The following CLSTN3 variants were observed in gnomAD, a reference collection of about 807,000 sequenced individuals.
CLSTN3 encodes calsyntenin-3.
A neutral mutation model predicts 95.9 loss-of-function variants in CLSTN3; 36 were observed. The ratio of observed to expected loss-of-function variants is 0.38; its 90% CI spans 0.29 to 0.50. The LOEUF (loss-of-function observed/expected upper bound fraction) is 0.50, where lower values mean the gene tolerates loss of function less well. Ranked by LOEUF, CLSTN3 falls within the 20% of genes least tolerant of loss-of-function variation. The pLI is 0.95. For synonymous variants in CLSTN3, 481 were observed against 504.0 expected (o/e 0.95, Z 0.61); for missense variants, 1,084 against 1,268.8 (o/e 0.85, Z 2.21).
At position 7,149,215 on chromosome 12, in the gene CLSTN3, G is replaced by T; in HGVS notation, c.2074+17G>T. The T allele has an allele frequency of 6.2e-7, 1 of 1,601,836 alleles. No homozygotes were observed. Among genetic ancestry groups the T allele is most frequent in the Non-Finnish European group, 8.5e-7 (1 of 1,170,326 alleles). On this transcript the variant is annotated intron_variant, in intron 13 of 17. Transcript: ENST00000266546. This position sits in a 1 kb window ranked among gnomAD's most constrained non-coding sequence, Gnocchi z 4.5. ...AGGGCACAGGTAAGGACGACTTCGGGGAGTAACACCATCCAGAGAACCAGC... is the reference window on the plus strand; with the variant it reads ...AGGGCACAGGTAAGGACGACTTCGGTGAGTAACACCATCCAGAGAACCAGC...
Position 7,150,601 on chromosome 12 carries a change from G to T in CLSTN3, c.2303G>T (p.Arg768Leu), listed in dbSNP as rs369161461. ...EILRQARYRL[R>L]HGAALYTRKF... The stretch of plus-strand genomic sequence containing the variant: ...CTGAGGCAGGCTCGTTATCGGCTGC[G>T]ACACGGAGCTGCCCTCTACACCAGG... The change falls in exon 15 of 18, where the codon CGA (arginine) becomes CTA (leucine). Residue 768 changes from arginine (R) to leucine (L), a missense_variant. Arg to Leu is a moderately radical substitution (Grantham distance 102). Coordinates refer to ENST00000266546, the MANE Select transcript of CLSTN3 (RefSeq NM_014718.4). This position sits in a 1 kb window ranked among gnomAD's most constrained non-coding sequence, Gnocchi z 4.0. 1.2e-6 allele frequency: 2 copies of T among 1,613,918 alleles called. No individual in the cohort carries two copies. The highest frequency in any genetic ancestry group is 1.7e-5 in the Admixed American group (1 of 60,014).
At chr12:7,142,838 C>T in intron 10 of CLSTN3, 31 bp from the exon 11 acceptor site, 1 of 1,608,920 alleles carries the variant, frequency 6.2e-7, no homozygotes, top group Non-Finnish European at 8.5e-7. Flanking sequence ...CTCTTCTCAC[C>T]TCCCGTCCTG....
rs1565648970 is a variant in CLSTN3, at chr12:7,135,460, T to C, written c.517T>C (p.Cys173Arg). 1 of 1,614,146 alleles carries C rather than the reference T, an allele frequency of 6.2e-7. No individual in the cohort carries two copies. The highest frequency in any genetic ancestry group is 2.2e-5 in the East Asian group (1 of 44,874). Residue 173 changes from cysteine (C) to arginine (R), a missense_variant, in exon 4 of 18, where the codon TGC becomes CGC. Cys to Arg is a radical substitution (Grantham distance 180, BLOSUM62 -3). Coordinates refer to ENST00000266546, the MANE Select transcript of CLSTN3 (RefSeq NM_014718.4). ...GCGGGTGGAAGCCATTGACGGTGACTGCTCCCCCCAGTACAGCCAGATCTG... is the reference window on the plus strand; with the variant it reads ...GCGGGTGGAAGCCATTGACGGTGACCGCTCCCCCCAGTACAGCCAGATCTG... ...ILRVEAIDGD[C>R]SPQYSQICYY...
Position 7,141,366 on chromosome 12 carries a change from GA to G in CLSTN3, c.1450del (p.Arg484GlyfsTer6). The G allele has an allele frequency of 6.2e-7, 1 of 1,614,100 alleles. No homozygotes were observed. Among genetic ancestry groups the G allele is most frequent in the Non-Finnish European group, 8.5e-7 (1 of 1,180,010 alleles). On this transcript the variant is annotated frameshift_variant, in exon 9 of 18. Coordinates refer to ENST00000266546, the MANE Select transcript of CLSTN3 (RefSeq NM_014718.4). LOFTEE classifies it high-confidence loss of function. This position sits in a 1 kb window ranked among gnomAD's most constrained non-coding sequence, Gnocchi z 4.1. Reference protein sequence around the residue: ...IHDNGLIHPPRREPALMIGAC... With the variant: ...IHDNGLIHPPXREPALMIGAC... The stretch of plus-strand genomic sequence containing the variant: ...GACAATGGCCTCATCCACCCACCCC[GA>G]AGGGAGCCTGCTCTCATGATTGGGG...
At chr12:7,131,627 A>T (rs1939303137) in intron 1 of CLSTN3, among the ~76,000 whole-genome samples, 1 of 151,778 alleles carries the variant, frequency 6.6e-6, no homozygotes, top group African/African-American at 2.4e-5. Context: ...AGGAGAGGAG[A>T]CAGAGGCTCA....
upstream of CLSTN3, chr12:7,130,311 C>CA (rs1361456974): frequency 1.0e-5 from 7 of 680,840 alleles, no homozygotes; most frequent in Non-Finnish European, 1.4e-5. Context: ...GGTCCCCCCC[C>CA]CTCCCAGTCA....
rs994582275 is a variant in CLSTN3 at position 7,136,300 on chromosome 12, C to G, written c.837C>G (p.Asn279Lys). The change falls in exon 6 of 18, where the codon AAC becomes AAG. Residue 279 changes from asparagine (N) to lysine (K), a missense_variant. Coordinates refer to ENST00000266546, the MANE Select transcript of CLSTN3 (RefSeq NM_014718.4). ...RLETCDEPLW[N>K]IQATIELQTS... ...AGACCTGTGATGAACCACTCTGGAA[C>G]ATTCAGGCCACCATAGAGCTGCAGA... The G allele has an allele frequency of 1.2e-6, 2 of 1,614,206 alleles. No homozygotes were observed. Among genetic ancestry groups the G allele is most frequent in the Non-Finnish European group, 1.7e-6 (2 of 1,180,022 alleles).
chr12:7,149,169 C>T lies in CLSTN3; in HGVS notation c.2045C>T (p.Ala682Val). 1 of 1,614,064 alleles carries T rather than the reference C, an allele frequency of 6.2e-7. No individual in the cohort carries two copies. The highest frequency in any genetic ancestry group is 1.1e-5 in the South Asian group (1 of 91,076). Reference sequence around the variant, plus strand: ...TGCTCCATTTCTCACCAGGTGGAGGCCAAAAAGGATGAGAGTTGGCAGGGC... The same window carrying T: ...TGCTCCATTTCTCACCAGGTGGAGGTCAAAAAGGATGAGAGTTGGCAGGGC... ...ITCSISHQVE[A>V]KKDESWQGTV... Residue 682 changes from alanine (A) to valine (V), a missense_variant, in exon 13 of 18, where the codon GCC (alanine) becomes GTC (valine). Ala to Val is a moderately conservative substitution (Grantham distance 64). Transcript: ENST00000266546. This position sits in a 1 kb window ranked among gnomAD's most constrained non-coding sequence, Gnocchi z 4.5.
Position 7,158,629 on chromosome 12 carries a change from G to A in CLSTN3, c.*548G>A, listed in dbSNP as rs1939864068. The A allele has an allele frequency of 6.6e-6, 1 of 152,032 alleles. No individual in the cohort carries two copies. The highest frequency in any genetic ancestry group is 1.5e-5 in the Non-Finnish European group (1 of 68,174). 9.4% of individuals were successfully genotyped at this position (152,032 alleles called of 1,614,324 possible). A position where few individuals can be genotyped will look rare whatever the true frequency, so the allele number is the denominator to read the frequency against. ...TCCTTTCCAACTTCCTTCCTTTCTT[G>A]TCCTGTTTCCCTTCCTGCCCTTGCA... On this transcript the variant is annotated 3_prime_UTR_variant, in exon 18 of 18. Transcript: ENST00000266546.
Position 7,130,528 on chromosome 12 carries a change from C to G in CLSTN3, c.-121C>G. 1 of 1,542,424 alleles carries G rather than the reference C, an allele frequency of 6.5e-7. No homozygotes were observed. The highest frequency in any genetic ancestry group is 1.2e-5 in the South Asian group (1 of 83,874). On this transcript the variant is annotated 5_prime_UTR_variant, in exon 1 of 18. Coordinates refer to ENST00000266546, the MANE Select transcript of CLSTN3 (RefSeq NM_014718.4). ...TGTGGGCGGCAGGCTCCTTTCCGTC[C>G]CTGCCCTGCTGTACCCCGCTCCTTG...
Position 7,158,866 on chromosome 12 carries a change from CA to C in CLSTN3, c.*786del, listed in dbSNP as rs1428330908. On this transcript the variant is annotated 3_prime_UTR_variant, in exon 18 of 18. Transcript: ENST00000266546. Reference sequence around the variant, plus strand: ...TGTGAGGCATCGTCATGTCCTGGGGCAGGGGCGGGGGGTTGGGTGTGGTGAG... The same window carrying C: ...TGTGAGGCATCGTCATGTCCTGGGGCGGGGCGGGGGGTTGGGTGTGGTGAG... 3.3e-5 allele frequency: 2 copies of C among 60,292 alleles called. No individual in the cohort carries two copies. Among genetic ancestry groups the C allele is most frequent in the African/African-American group, 1.4e-4 (2 of 14,710 alleles). 3.7% of individuals were successfully genotyped at this position (60,292 alleles called of 1,614,324 possible). A position where few individuals can be genotyped will look rare whatever the true frequency, so the allele number is the denominator to read the frequency against.
rs2135805204 is a variant in CLSTN3, at chr12:7,142,990, C to T, written c.1662C>T (p.Asp554=). Residue 554 remains aspartate (D), a synonymous_variant, in exon 11 of 18, where the codon GAC becomes GAT. Transcript: ENST00000266546. ...TCTATGCATGTCGGGAGGGGCTGGA[C>T]TATAGGGATTTCGAGAGCCTGGGCA... ...ECLYACREGL[D]YRDFESLGKG... The T allele has an allele frequency of 1.2e-6, 2 of 1,614,154 alleles. No homozygotes were observed. The highest frequency in any genetic ancestry group is 2.7e-5 in the African/African-American group (2 of 75,060).
In CLSTN3 at chr12:7,157,767, G is replaced by A; in HGVS notation, c.2730+76G>A. 1 of 1,511,498 alleles carries A rather than the reference G, an allele frequency of 6.6e-7. No individual in the cohort carries two copies. The highest frequency in any genetic ancestry group is 8.9e-7 in the Non-Finnish European group (1 of 1,119,698). The allele number at this position is 1,511,498 out of a possible 1,614,324, so 93.6% of individuals were successfully genotyped here. ...ACACGGTGAGGACTCCTGAGGAGGG[G>A]CAGGCCTGGGTGGAGGCTGTTCGCA... On this transcript the variant is annotated intron_variant, in intron 17 of 17. Transcript: ENST00000266546. The surrounding 1 kb of genome is among the most constrained non-coding windows in gnomAD (Gnocchi z 5.9).
In CLSTN3 at chr12:7,133,139, C is replaced by CTATGCAGG. The variant is rs1416234405; in HGVS notation, c.183_187+3dup. 6.2e-7 allele frequency: 1 copy of CTATGCAGG among 1,606,146 alleles called. No homozygotes were observed. The highest frequency in any genetic ancestry group is 1.3e-5 in the African/African-American group (1 of 74,768). The stretch of plus-strand genomic sequence containing the variant: ...CCTTGGACAAGGATGCCCCGCTGCG[C>CTATGCAGG]TATGCAGGTAATTGGGATTGGGGGA... On this transcript the variant is annotated frameshift_variant, in exon 2 of 18. Transcript: ENST00000266546. LOFTEE classifies it high-confidence loss of function. This position sits in a 1 kb window ranked among gnomAD's most constrained non-coding sequence, Gnocchi z 4.7.
chr12:7,147,897 G>A (rs1321079501), intron 12 of CLSTN3, among the ~76,000 whole-genome samples: 1 of 152,114 alleles, frequency 6.6e-6, no homozygotes, highest in African/African-American at 2.4e-5. Context: ...GCTCACGCCT[G>A]TAATCCCAGC....
At chr12:7,152,538 A>G (rs1430442231) in intron 16 of CLSTN3, among the ~76,000 whole-genome samples, 1 of 152,182 alleles carries the variant, frequency 6.6e-6, no homozygotes, top group African/African-American at 2.4e-5. Flanking sequence ...GGCTTTTGAG[A>G]ATTGAAGGCA....
At chr12:7,138,375 A>G (rs1186175373) in intron 8 of CLSTN3, among the ~76,000 whole-genome samples, 1 of 152,206 alleles carries the variant, frequency 6.6e-6, no homozygotes, top group Non-Finnish European at 1.5e-5. Context: ...CTTTAACAGT[A>G]TACATCCCTG....
Position 7,149,739 on chromosome 12 carries a change from C to T in CLSTN3, c.2245+46C>T. 1 of 1,559,400 alleles carries T rather than the reference C, an allele frequency of 6.4e-7. No individual in the cohort carries two copies. Among genetic ancestry groups the T allele is most frequent in the Non-Finnish European group, 8.7e-7 (1 of 1,146,292 alleles). On this transcript the variant is annotated intron_variant, in intron 14 of 17. Coordinates refer to ENST00000266546, the MANE Select transcript of CLSTN3 (RefSeq NM_014718.4). The surrounding 1 kb of genome is among the most constrained non-coding windows in gnomAD (Gnocchi z 4.5). ...TGTCCTCTGTGTGTGTGTGCCCCTC[C>T]CAAAAAGTAAGGGCCTAGGAAGCCC...
chr12:7,152,397 T>C (rs1939739103), intron 16 of CLSTN3, among the ~76,000 whole-genome samples: 1 of 152,234 alleles, frequency 6.6e-6, no homozygotes, highest in East Asian at 1.9e-4. Context: ...CCCTGTTCAG[T>C]GTTACTCAAC....
Sources: allele counts gnomAD v4.1 joint callset (sites outside exome capture counted in the v4.1 genomes callset), GRCh38; gene constraint gnomAD v4.1.1; non-coding constraint Gnocchi (gnomAD v3.1); transcripts MANE v1.5; gene names NCBI Gene and HGNC (gene_info 2026-07-23, HGNC 2026-07-21).